Variants in MCTP1 observed in about 807,000 individuals in gnomAD.
The protein encoded by MCTP1 is multiple C2 and transmembrane domain containing 1.
A neutral mutation model predicts 120.6 loss-of-function variants in MCTP1; 69 were observed. The observed-to-expected ratio is 0.57, with a 90% CI of 0.47 to 0.70. The LOEUF is 0.70. Ranked by LOEUF, MCTP1 falls within the 30% of genes least tolerant of loss-of-function variation. The probability of loss-of-function intolerance (pLI) is 0.00; values close to 1 mark genes in which losing one functional copy is unlikely to be tolerated. For missense variants in MCTP1, 1,203 were observed against 1,248.8 expected, an observed-to-expected ratio of 0.96 and a Z score of 0.55; for synonymous variants, 529 against 493.1, an observed-to-expected ratio of 1.07 and a Z score of -0.96.
At chr5:94,827,448 TG>T (rs767958392) in intron 17 of MCTP1, among the ~76,000 whole-genome samples, 4 of 152,142 alleles carry the variant, frequency 2.6e-5, no homozygotes, top group Non-Finnish European at 4.4e-5. Flanking sequence ...TTATGTGTCT[TG>T]GGGTTGCTCT....
chr5:95,276,251 ATTTTTTTTTT>A (rs34667866), intron 1 of MCTP1, among the ~76,000 whole-genome samples: 12 of 84,776 alleles, frequency 1.4e-4, no homozygotes, highest in Admixed American at 3.3e-4. Context: ...CAATATTGGG[ATTTTTTTTTT>A]TTTTTTTTTT....
chr5:95,101,695 A>C (rs986956502), intron 1 of MCTP1, among the ~76,000 whole-genome samples: 9 of 152,258 alleles, frequency 5.9e-5, no homozygotes, highest in Admixed American at 1.3e-4. Flanking sequence ...TGCATTAGTT[A>C]GTGATCCCAC....
At chr5:95,003,094 G>A (rs1834037673) in intron 2 of MCTP1, among the ~76,000 whole-genome samples, 1 of 152,108 alleles carries the variant, frequency 6.6e-6, no homozygotes, top group Non-Finnish European at 1.5e-5. Flanking sequence ...CCTGTGAAGA[G>A]GTACCTTCTG....
intron 17 of MCTP1, among the ~76,000 whole-genome samples, chr5:94,814,671 A>G (rs1236068222): frequency 6.6e-6 from 1 of 152,208 alleles, no homozygotes; most frequent in African/African-American, 2.4e-5. Context: ...AATGGCTGAG[A>G]ATATGAAAAA....
chr5:95,009,701 T>A (rs75549207), intron 2 of MCTP1, among the ~76,000 whole-genome samples: 3 of 152,118 alleles, frequency 2.0e-5, no homozygotes. Context: ...AGGGAAATTG[T>A]GTATCTTACT....
intron 1 of MCTP1, among the ~76,000 whole-genome samples, chr5:95,224,774 T>C (rs1026499153): frequency 6.6e-6 from 1 of 152,174 alleles, no homozygotes; most frequent in African/African-American, 2.4e-5. Context: ...TCTCCCAAAG[T>C]GCTGGGGATT....
intron 12 of MCTP1, among the ~76,000 whole-genome samples, chr5:94,878,836 A>T (rs1203542309): frequency 8.4e-6 from 1 of 119,602 alleles, no homozygotes; most frequent in Non-Finnish European, 2.0e-5. Context: ...CGTGTTAATT[A>T]AAAAAAACAG....
intron 1 of MCTP1, among the ~76,000 whole-genome samples, chr5:95,075,483 G>A (rs560349246): frequency 7.2e-4 from 109 of 151,958 alleles, no homozygotes; most frequent in African/African-American, 2.3e-3. Context: ...AATCTCTCAC[G>A]AAAACTTGCA....
At chr5:95,264,481 T>C (rs1031086026) in intron 1 of MCTP1, among the ~76,000 whole-genome samples, 3 of 152,188 alleles carry the variant, frequency 2.0e-5, no homozygotes, top group Admixed American at 6.5e-5. Context: ...CAGCAGCTCA[T>C]AGATAGATTT....
chr5:94,856,837 GCCTTTATATGCAA>G, intron 17 of MCTP1, among the ~76,000 whole-genome samples: 1 of 151,768 alleles, frequency 6.6e-6, no homozygotes, highest in South Asian at 2.1e-4. Flanking sequence ...AAGTCCTTAA[GCCTTTATATGCAA>G]CACTCTGGGG....
chr5:95,177,531 G>T (rs1272701174), intron 1 of MCTP1, among the ~76,000 whole-genome samples: 1 of 152,166 alleles, frequency 6.6e-6, no homozygotes, highest in Non-Finnish European at 1.5e-5. Context: ...ATTAAGAGTA[G>T]TATCTTAAAA....
At chr5:94,793,863 A>G (rs2152996153) in intron 18 of MCTP1, among the ~76,000 whole-genome samples, 1 of 152,364 alleles carries the variant, frequency 6.6e-6, no homozygotes, top group Admixed American at 6.5e-5. Context: ...AAACTGTTCA[A>G]TCAACAGCAC....
At chr5:95,072,275 C>T (rs1258762964) in intron 1 of MCTP1, among the ~76,000 whole-genome samples, 1 of 152,128 alleles carries the variant, frequency 6.6e-6, no homozygotes, top group African/African-American at 2.4e-5. Context: ...TACAGTAAGT[C>T]CTACCCTCTT....
rs773008751 is a variant in MCTP1, at chr5:94,704,837, A to G, written c.*2659T>C. 16 of 145,950 alleles carry G rather than the reference A, an allele frequency of 1.1e-4. No homozygotes were observed. The highest frequency in any genetic ancestry group is 2.4e-4 in the Non-Finnish European group (16 of 66,010). The allele number at this position is 145,950 out of a possible 1,614,324, so 9.0% of individuals were successfully genotyped here. ...AGGAATTCCAGTTTTTGAACATTCT[A>G]TATGCACTAGGATAATCTGAGTTGG... is the stretch of plus-strand genomic sequence containing the variant. On this transcript the variant is annotated 3_prime_UTR_variant, in exon 23 of 23. Coordinates refer to ENST00000515393, the MANE Select transcript of MCTP1 (RefSeq NM_024717.7).
chr5:94,986,488 C>A (rs1305380179), intron 2 of MCTP1, among the ~76,000 whole-genome samples: 1 of 152,092 alleles, frequency 6.6e-6, no homozygotes, highest in Non-Finnish European at 1.5e-5. Context: ...AACACCCTAT[C>A]CCTGTGCTTA....
At chr5:95,136,019 G>C (rs1474575840) in intron 1 of MCTP1, among the ~76,000 whole-genome samples, 1 of 152,150 alleles carries the variant, frequency 6.6e-6, no homozygotes, top group Non-Finnish European at 1.5e-5. Flanking sequence ...AATTGAAGTA[G>C]GTTTTAAAAT....
chr5:95,181,741 G>T (rs186119433), intron 1 of MCTP1, among the ~76,000 whole-genome samples: 1 of 152,304 alleles, frequency 6.6e-6, no homozygotes, highest in Admixed American at 6.5e-5. Flanking sequence ...TTAACAGTAA[G>T]TAATTGCATA....
chr5:95,112,185 A>G (rs1757508794), intron 1 of MCTP1, among the ~76,000 whole-genome samples: 1 of 152,176 alleles, frequency 6.6e-6, no homozygotes, highest in Non-Finnish European at 1.5e-5. Context: ...AAGTAGCTAC[A>G]ATGGAAATGC....
chr5:95,282,581 G>T (rs987534743), intron 1 of MCTP1, among the ~76,000 whole-genome samples: 2 of 152,124 alleles, frequency 1.3e-5, no homozygotes, highest in South Asian at 4.2e-4. Context: ...CAAAAACAGG[G>T]GCTCTATCCA....
Sources: gnomAD v4.1 joint callset for allele counts (sites outside exome capture counted in the v4.1 genomes callset) on GRCh38, gnomAD v4.1.1 for gene constraint, MANE v1.5 for transcripts, NCBI Gene and HGNC (gene_info 2026-07-23, HGNC 2026-07-21) for gene names.